DIAPH2: variants seen among roughly 807,000 people sequenced by gnomAD.
The protein encoded by DIAPH2 is protein diaphanous homolog 2.
In DIAPH2, 35 loss-of-function variants were observed where a neutral mutation model predicts 92.7. The ratio of observed to expected loss-of-function variants is 0.38; its 90% confidence interval spans 0.29 to 0.50. The LOEUF (loss-of-function observed/expected upper bound fraction) is 0.50. Ranked by LOEUF, DIAPH2 falls within the 20% of genes least tolerant of loss-of-function variation. DIAPH2 has a pLI of 0.94. For missense variants in DIAPH2, 701 were observed against 819.5 expected (o/e 0.86, Z 1.77); for synonymous variants, 301 against 280.4 (o/e 1.07, Z -0.73).
At chrX:96,936,696 G>T (rs1000022852) in intron 10 of DIAPH2, among the ~76,000 whole-genome samples, 1 of 111,862 alleles carries the variant, frequency 8.9e-6, no homozygotes, top group Non-Finnish European at 1.9e-5. Flanking sequence ...TAGATGTACA[G>T]CTTAATAAAA....
At chrX:97,584,974 C>T (rs1429894289) in intron 26 of DIAPH2, among the ~76,000 whole-genome samples, 1 of 112,332 alleles carries the variant, frequency 8.9e-6, no homozygotes, top group Non-Finnish European at 1.9e-5. Context: ...AAGAGCATTG[C>T]ACCCTGTGAT....
At chrX:96,970,348 T>G (rs1486106931) in intron 17 of DIAPH2, among the ~76,000 whole-genome samples, 1 of 83,044 alleles carries the variant, frequency 1.2e-5, no homozygotes, top group Admixed American at 1.2e-4. Flanking sequence ...GTTCTGGGTG[T>G]TGTTGTTTGT....
intron 22 of DIAPH2, among the ~76,000 whole-genome samples, chrX:97,146,721 G>A (rs1350570786): frequency 8.9e-6 from 1 of 111,737 alleles, no homozygotes; most frequent in Non-Finnish European, 1.9e-5. Context: ...CAAAACTATG[G>A]TATAAACTTG....
intron 23 of DIAPH2, among the ~76,000 whole-genome samples, chrX:97,342,838 G>A (rs1569367687): frequency 8.9e-6 from 1 of 112,045 alleles, no homozygotes; most frequent in Non-Finnish European, 1.9e-5. Flanking sequence ...TGGATAGTTG[G>A]GGAAAGCCTC....
At chrX:96,775,353 T>TGTGTGTGTGTGTGTGTG (rs2064369168) in intron 4 of DIAPH2, among the ~76,000 whole-genome samples, 1 of 89,364 alleles carries the variant, frequency 1.1e-5, no homozygotes, top group Non-Finnish European at 2.2e-5. Flanking sequence ...CAACGTGTGC[T>TGTGTGTGTGTGTGTGTG]TGTGTGTGTG....
chrX:97,350,417 C>G (rs1404372527), intron 24 of DIAPH2, among the ~76,000 whole-genome samples: 1 of 111,567 alleles, frequency 9.0e-6, no homozygotes, highest in Non-Finnish European at 1.9e-5. Context: ...CCCCAATACA[C>G]AGACACAGAG....
chrX:96,742,176 G>A (rs1400863117), intron 3 of DIAPH2, among the ~76,000 whole-genome samples: 1 of 111,583 alleles, frequency 9.0e-6, no homozygotes, highest in Non-Finnish European at 1.9e-5. Context: ...CTTTGGATTT[G>A]TCCTTCACTA....
chrX:97,438,357 TTG>T (rs1569397522), intron 26 of DIAPH2, among the ~76,000 whole-genome samples: 14 of 82,870 alleles, frequency 1.7e-4, no homozygotes, highest in African/African-American at 5.0e-4. Context: ...TTTTGTTTGT[TTG>T]TTTTTTTTTT....
At chrX:97,234,334 AAAAAAAAAAAAAAAG>A (rs2068031058) in intron 22 of DIAPH2, among the ~76,000 whole-genome samples, 1 of 104,785 alleles carries the variant, frequency 9.5e-6, no homozygotes, top group Non-Finnish European at 2.0e-5. Context: ...TCCATCTCAA[AAAAAAAAAAAAAAAG>A]AAAAAAAGAA....
intron 1 of DIAPH2, among the ~76,000 whole-genome samples, chrX:96,720,672 T>C (rs963404888): frequency 1.8e-5 from 2 of 111,667 alleles, no homozygotes; most frequent in Non-Finnish European, 3.8e-5. Context: ...TAAGAACAAA[T>C]GTTAACATTT....
At chrX:97,149,795 CTATCAA>C (rs769077733) in intron 22 of DIAPH2, among the ~76,000 whole-genome samples, 130 of 101,681 alleles carry the variant, frequency 1.3e-3, no homozygotes, top group African/African-American at 4.2e-3. Context: ...GAATTGTACT[CTATCAA>C]TAGCAACACC....
intron 25 of DIAPH2, among the ~76,000 whole-genome samples, chrX:97,385,566 C>T (rs750744780): frequency 9.0e-6 from 1 of 111,492 alleles, no homozygotes; most frequent in African/African-American, 3.3e-5. Flanking sequence ...CACACCATCT[C>T]TATGAGGTAG....
intron 4 of DIAPH2, among the ~76,000 whole-genome samples, chrX:96,861,369 C>T (rs1301734791): frequency 8.9e-6 from 1 of 112,131 alleles, no homozygotes; most frequent in Non-Finnish European, 1.9e-5. Flanking sequence ...GATGTCTAAA[C>T]TAGAAACTTG....
intron 16 of DIAPH2, among the ~76,000 whole-genome samples, chrX:96,964,601 T>G (rs1429931109): frequency 9.0e-6 from 1 of 111,635 alleles, no homozygotes; most frequent in Non-Finnish European, 1.9e-5. Context: ...GTAGAGATAA[T>G]AACAGGTGAA....
chrX:96,941,653 T>A (rs2065705425), intron 12 of DIAPH2, among the ~76,000 whole-genome samples: 1 of 111,455 alleles, frequency 9.0e-6, no homozygotes, highest in African/African-American at 3.3e-5. Context: ...TGTGGATGCG[T>A]AGAACCATTT....
intron 4 of DIAPH2, among the ~76,000 whole-genome samples, chrX:96,826,311 G>A (rs2064815618): frequency 9.1e-6 from 1 of 110,018 alleles, no homozygotes; most frequent in Non-Finnish European, 1.9e-5. Flanking sequence ...CAGCTACTTG[G>A]GAGGCTGAGG....
rs930914340 is a variant in DIAPH2 at position 97,339,784 on chromosome X, G to T, written c.2845-8332G>T. On this transcript the variant is annotated intron_variant, in intron 23 of 26. Coordinates refer to ENST00000324765, the MANE Select transcript of DIAPH2 (RefSeq NM_006729.5). ...CATGCTTGAAAAATCAGAAATATTT[G>T]TCTTTGTAGAACAAGGAATTTGAAA... Among the ~76,000 whole-genome samples, 20 of 111,805 alleles carry T rather than the reference G, an allele frequency of 1.8e-4. No individual in the cohort carries two copies. In the South Asian group the frequency reaches 2.3e-3, roughly 13 times the overall value.
At chrX:96,947,150 T>G (rs752511892) in intron 14 of DIAPH2, among the ~76,000 whole-genome samples, 2 of 111,818 alleles carry the variant, frequency 1.8e-5, no homozygotes, top group Non-Finnish European at 3.8e-5. Flanking sequence ...GCTCACATAT[T>G]TCAGGCTTCT....
chrX:96,824,452 T>A (rs930496349), intron 4 of DIAPH2, among the ~76,000 whole-genome samples: 5 of 109,212 alleles, frequency 4.6e-5, no homozygotes, highest in Non-Finnish European at 9.5e-5. Flanking sequence ...CAAGTAGGAG[T>A]CCCACTGTCC....
Sources: gnomAD v4.1 joint callset for allele counts (sites outside exome capture counted in the v4.1 genomes callset) on GRCh38, gnomAD v4.1.1 for gene constraint, MANE v1.5 for transcripts, NCBI Gene and HGNC (gene_info 2026-07-23, HGNC 2026-07-21) for gene names.